The following IL1RAPL1 variants were observed in gnomAD, a reference collection of about 807,000 sequenced individuals.
The protein encoded by IL1RAPL1 is interleukin 1 receptor accessory protein like 1.
In IL1RAPL1, 3 loss-of-function variants were observed where a neutral mutation model predicts 48.4. The ratio of observed to expected loss-of-function variants is 0.06; its 90% CI spans 0.03 to 0.16. The LOEUF is 0.16. IL1RAPL1 is among the 10% of genes least tolerant of loss of function. The pLI is 1.00. For synonymous variants in IL1RAPL1, 185 were observed against 187.7 expected (o/e 0.99, Z 0.12); for missense variants, 349 against 530.6 (o/e 0.66, Z 3.36).
At chrX:29,561,021 C>G (rs1320658567) in intron 5 of IL1RAPL1, among the ~76,000 whole-genome samples, 2 of 112,129 alleles carry the variant, frequency 1.8e-5, no homozygotes, top group Non-Finnish European at 3.8e-5. Context: ...GATACAAAGA[C>G]TTTCATTAGT....
At chrX:29,768,986 A>G (rs1246812127) in intron 6 of IL1RAPL1, among the ~76,000 whole-genome samples, 7 of 111,057 alleles carry the variant, frequency 6.3e-5, no homozygotes, top group South Asian at 3.8e-4. Flanking sequence ...CTTCCAATCT[A>G]TCTGCTGGGA....
At chrX:29,614,904 G>T (rs1924233310) in intron 5 of IL1RAPL1, among the ~76,000 whole-genome samples, 1 of 109,605 alleles carries the variant, frequency 9.1e-6, no homozygotes, top group Non-Finnish European at 1.9e-5. Flanking sequence ...AGCTTGCAGT[G>T]AGCGGAGATC....
At chrX:29,791,113 C>T (rs988288218) in intron 6 of IL1RAPL1, among the ~76,000 whole-genome samples, 6 of 110,557 alleles carry the variant, frequency 5.4e-5, no homozygotes, top group African/African-American at 2.0e-4. Flanking sequence ...CCATCTTGCC[C>T]GATGTAGCCC....
chrX:29,514,096 A>G (rs772667113), intron 5 of IL1RAPL1, among the ~76,000 whole-genome samples: 1 of 111,341 alleles, frequency 9.0e-6, no homozygotes. Context: ...TTTTAATCAA[A>G]CCCAATTACA....
At chrX:29,008,603 T>A (rs991378466) in intron 2 of IL1RAPL1, among the ~76,000 whole-genome samples, 1 of 112,764 alleles carries the variant, frequency 8.9e-6, no homozygotes, top group Non-Finnish European at 1.9e-5. Flanking sequence ...TATTTTTCAA[T>A]TAAAAGTACA....
intron 5 of IL1RAPL1, among the ~76,000 whole-genome samples, chrX:29,454,174 G>C (rs187017338): frequency 1.8e-5 from 2 of 112,397 alleles, no homozygotes; most frequent in Non-Finnish European, 3.8e-5. Context: ...AGTGAGGTAC[G>C]TCTTTCTTCT....
chrX:29,630,044 C>A (rs1304236583), intron 5 of IL1RAPL1, among the ~76,000 whole-genome samples: 1 of 111,993 alleles, frequency 8.9e-6, no homozygotes, highest in Non-Finnish European at 1.9e-5. Context: ...AAGTGGATAA[C>A]CTGTAAACAA....
At chrX:29,696,331 C>T (rs5972702) in intron 6 of IL1RAPL1, among the ~76,000 whole-genome samples, 56,553 of 110,588 alleles carry the variant, frequency 0.51, 11,110 homozygotes, top group African/African-American at 0.72. Context: ...AGAGAATTGA[C>T]GTGCTGTAAG....
intron 5 of IL1RAPL1, among the ~76,000 whole-genome samples, chrX:29,481,014 A>C (rs1470393551): frequency 8.9e-6 from 1 of 112,297 alleles, no homozygotes; most frequent in East Asian, 2.8e-4. Context: ...TCAATTTAAT[A>C]TATAATCCAA....
At chrX:29,149,434 TAAGA>T (rs1395493814) in intron 2 of IL1RAPL1, among the ~76,000 whole-genome samples, 1 of 110,853 alleles carries the variant, frequency 9.0e-6, no homozygotes, top group Non-Finnish European at 1.9e-5. Context: ...AGTATGAAAA[TAAGA>T]AAGAACTACT....
chrX:29,432,895 G>A (rs1339353940), intron 5 of IL1RAPL1, among the ~76,000 whole-genome samples: 1 of 111,296 alleles, frequency 9.0e-6, no homozygotes, highest in Non-Finnish European at 1.9e-5. Flanking sequence ...GTAGTTTTTT[G>A]TGTGTGTTTA....
intron 2 of IL1RAPL1, among the ~76,000 whole-genome samples, chrX:28,854,858 C>T (rs964210003): frequency 1.8e-5 from 2 of 111,675 alleles, no homozygotes; most frequent in South Asian, 3.8e-4. Context: ...GAACAGAATG[C>T]ACACAAATCT....
chrX:29,180,695 G>T (rs973325669), intron 2 of IL1RAPL1, among the ~76,000 whole-genome samples: 2 of 111,240 alleles, frequency 1.8e-5, no homozygotes, highest in African/African-American at 6.5e-5. Context: ...AATTATTTTT[G>T]TTTTTTGAAA....
chrX:29,590,662 C>A (rs1171554211), intron 5 of IL1RAPL1, among the ~76,000 whole-genome samples: 20 of 111,791 alleles, frequency 1.8e-4, no homozygotes, highest in Non-Finnish European at 2.3e-4. Context: ...AACAGGGGCT[C>A]ATCCAAGGTC....
intron 6 of IL1RAPL1, among the ~76,000 whole-genome samples, chrX:29,838,985 C>T (rs971557050): frequency 8.9e-6 from 1 of 111,886 alleles, no homozygotes; most frequent in African/African-American, 3.3e-5. Context: ...AGCATTGCAG[C>T]CTGAGCTTTT....
chrX:29,676,011 C>T (rs12394750), intron 6 of IL1RAPL1, among the ~76,000 whole-genome samples: 5,067 of 111,849 alleles, frequency 0.045, 260 homozygotes, highest in African/African-American at 0.16. Flanking sequence ...CATATTATCA[C>T]TGTTAGTGTT....
At chrX:29,844,964 T>G (rs768853296) in intron 6 of IL1RAPL1, among the ~76,000 whole-genome samples, 1 of 111,498 alleles carries the variant, frequency 9.0e-6, no homozygotes, top group South Asian at 3.9e-4. Flanking sequence ...TGTGGTGCAT[T>G]TACATGCCAA....
intron 1 of IL1RAPL1, among the ~76,000 whole-genome samples, chrX:28,703,814 C>A (rs1406653077): frequency 8.9e-6 from 1 of 111,913 alleles, no homozygotes; most frequent in East Asian, 2.8e-4. Context: ...GGAATACTAT[C>A]TTTTGTCTAC....
intron 5 of IL1RAPL1, among the ~76,000 whole-genome samples, chrX:29,483,005 G>A (rs1935057438): frequency 8.9e-6 from 1 of 112,107 alleles, no homozygotes; most frequent in African/African-American, 3.2e-5. Flanking sequence ...TGATGCCAAA[G>A]TTAAAAAGAT....
Sources: gnomAD v4.1 joint callset for allele counts (sites outside exome capture counted in the v4.1 genomes callset) on GRCh38, gnomAD v4.1.1 for gene constraint, MANE v1.5 for transcripts, NCBI Gene and HGNC (gene_info 2026-07-23, HGNC 2026-07-21) for gene names.